The following WWOX variants were observed in gnomAD, a reference collection of about 807,000 sequenced individuals.
WWOX encodes the protein WW domain containing oxidoreductase, also known as WW domain-containing oxidoreductase.
In WWOX, 69 loss-of-function variants were observed where a neutral mutation model predicts 46.2. The ratio of observed to expected loss-of-function variants is 1.49; its 90% confidence interval spans 1.23 to 1.82. The LOEUF (loss-of-function observed/expected upper bound fraction) is 1.82, where lower values mean the gene tolerates loss of function less well. Among genes scored for constraint, WWOX ranks in the 40% most tolerant of loss-of-function variants. The pLI is 0.00. For missense variants in WWOX, 919 were observed against 542.6 expected, an observed-to-expected ratio of 1.69 and a Z score of -6.89; for synonymous variants, 359 against 202.6, an observed-to-expected ratio of 1.77 and a Z score of -6.56.
chr16:78,690,771 G>A (rs964413866), intron 8 of WWOX, among the ~76,000 whole-genome samples: 24 of 152,172 alleles, frequency 1.6e-4, no homozygotes, highest in African/African-American at 5.8e-4. Context: ...TTTAAGCACT[G>A]CCAGTGATTC....
At chr16:78,153,865 T>G (rs1170511629) in intron 4 of WWOX, among the ~76,000 whole-genome samples, 1 of 152,170 alleles carries the variant, frequency 6.6e-6, no homozygotes, top group Non-Finnish European at 1.5e-5. Flanking sequence ...AGAAGGAACC[T>G]TCCTGGCATC....
intron 8 of WWOX, among the ~76,000 whole-genome samples, chr16:79,011,459 TTTTATTTA>T (rs56691445): frequency 0.014 from 1,838 of 131,972 alleles, 30 homozygotes; most frequent in African/African-American, 0.035. Context: ...TTATTTTTTA[TTTTATTTA>T]TTTATTTATT....
intron 8 of WWOX, among the ~76,000 whole-genome samples, chr16:78,584,197 T>C (rs2045135915): frequency 1.3e-5 from 2 of 152,216 alleles, no homozygotes; most frequent in Admixed American, 6.5e-5. Context: ...GGCATAATCA[T>C]TGTCATCACC....
At chr16:78,755,052 G>A (rs2049605200) in intron 8 of WWOX, among the ~76,000 whole-genome samples, 1 of 147,266 alleles carries the variant, frequency 6.8e-6, no homozygotes, top group Non-Finnish European at 1.5e-5. Flanking sequence ...CTGTCTGGGG[G>A]TAGGGGGAAA....
rs181845234 is a variant in WWOX at position 78,640,520 on chromosome 16, C to G, written c.1056+207768C>G. Among the ~76,000 whole-genome samples the G allele has an allele frequency of 2.1e-3, 327 of 152,190 alleles. 7 individuals carry two copies. The highest frequency in any genetic ancestry group is 0.02 in the Admixed American group (299 of 15,278). On this transcript the variant is annotated intron_variant, in intron 8 of 8. Coordinates refer to ENST00000566780, the MANE Select transcript of WWOX (RefSeq NM_016373.4). ...ATGAAGCAGGGGTTTGCATCCGAAA[C>G]AACCACCCGTGCTGAATATGTAGGT...
intron 8 of WWOX, among the ~76,000 whole-genome samples, chr16:79,096,902 G>A (rs567335953): frequency 6.6e-6 from 1 of 152,252 alleles, no homozygotes; most frequent in Admixed American, 6.5e-5. Context: ...TATACTCTGG[G>A]GAGAAGAAAG....
intron 8 of WWOX, among the ~76,000 whole-genome samples, chr16:78,494,444 G>A (rs1020904131): frequency 1.3e-5 from 2 of 151,634 alleles, no homozygotes; most frequent in Non-Finnish European, 2.9e-5. Context: ...CTTTCCTTTT[G>A]CATTTTGGAT....
intron 8 of WWOX, among the ~76,000 whole-genome samples, chr16:79,195,349 C>T (rs1054698710): frequency 2.0e-5 from 3 of 152,102 alleles, no homozygotes; most frequent in Admixed American, 2.0e-4. Context: ...CCCAAGGAAA[C>T]TCTGAAGCTG....
intron 8 of WWOX, among the ~76,000 whole-genome samples, chr16:79,107,497 A>G (rs187038611): frequency 6.6e-6 from 1 of 152,372 alleles, no homozygotes; most frequent in East Asian, 1.9e-4. Flanking sequence ...TCTGTTGGGC[A>G]TACTGCCCAA....
At chr16:78,599,531 C>T (rs1309422334) in intron 8 of WWOX, among the ~76,000 whole-genome samples, 3 of 152,206 alleles carry the variant, frequency 2.0e-5, no homozygotes, top group African/African-American at 7.2e-5. Flanking sequence ...CATGTGTAGA[C>T]ATGGCCTCAG....
intron 8 of WWOX, among the ~76,000 whole-genome samples, chr16:78,765,274 T>C (rs547391328): frequency 6.6e-6 from 1 of 152,298 alleles, no homozygotes; most frequent in Admixed American, 6.5e-5. Flanking sequence ...AAGAGCCCAG[T>C]AGAGGATGGG....
intron 8 of WWOX, among the ~76,000 whole-genome samples, chr16:78,622,168 T>C (rs886627098): frequency 2.6e-5 from 4 of 152,162 alleles, no homozygotes; most frequent in African/African-American, 9.7e-5. Flanking sequence ...TGGGATTCTA[T>C]CCTTTTTCTC....
chr16:78,292,424 A>G (rs1360127774), intron 5 of WWOX, among the ~76,000 whole-genome samples: 7 of 152,180 alleles, frequency 4.6e-5, no homozygotes, highest in Non-Finnish European at 2.9e-5. Context: ...ATGGATTTTT[A>G]TGGTCTTTTA....
chr16:78,642,791 C>A (rs1345472646), intron 8 of WWOX, among the ~76,000 whole-genome samples: 3 of 152,168 alleles, frequency 2.0e-5, no homozygotes, highest in African/African-American at 7.2e-5. Context: ...ACACTCATGA[C>A]AGATGCAGGA....
chr16:78,906,519 G>T (rs554774621), intron 8 of WWOX, among the ~76,000 whole-genome samples: 1 of 152,098 alleles, frequency 6.6e-6, no homozygotes. Flanking sequence ...GCAAAATCAG[G>T]CCACGATTGC....
intron 4 of WWOX, among the ~76,000 whole-genome samples, chr16:78,139,374 G>A (rs1321496923): frequency 6.6e-6 from 1 of 152,204 alleles, no homozygotes; most frequent in African/African-American, 2.4e-5. Flanking sequence ...GTCTGGCACT[G>A]TTGGCTCATG....
chr16:79,196,295 A>C (rs1186036975), intron 8 of WWOX: 1 of 152,238 alleles, frequency 6.6e-6, no homozygotes, highest in Non-Finnish European at 1.5e-5. Flanking sequence ...CATAACGTGC[A>C]GATTTCACAA....
chr16:78,785,771 C>G (rs2050440200), intron 8 of WWOX, among the ~76,000 whole-genome samples: 1 of 152,118 alleles, frequency 6.6e-6, no homozygotes, highest in South Asian at 2.1e-4. Flanking sequence ...TATGTCAGAA[C>G]TTCACTTATC....
intron 5 of WWOX, among the ~76,000 whole-genome samples, chr16:78,257,128 A>T (rs1427681255): frequency 6.6e-6 from 1 of 151,974 alleles, no homozygotes; most frequent in African/African-American, 2.4e-5. Flanking sequence ...TCATCTGGCT[A>T]CTAGATTGTT....
Sources: allele counts gnomAD v4.1 joint callset (sites outside exome capture counted in the v4.1 genomes callset), GRCh38; gene constraint gnomAD v4.1.1; transcripts MANE v1.5; gene names NCBI Gene and HGNC (gene_info 2026-07-23, HGNC 2026-07-21).